Variants in OTOP3 observed in about 807,000 individuals in gnomAD.
OTOP3 encodes the protein otopetrin 3.
In OTOP3, 41 loss-of-function variants were observed where a neutral mutation model predicts 50.8. The observed-to-expected ratio is 0.81, with a 90% CI of 0.63 to 1.05. The LOEUF (loss-of-function observed/expected upper bound fraction) is 1.05, where lower values mean the gene tolerates loss of function less well. OTOP3 is among the 50% of genes least tolerant of loss of function. The probability of loss-of-function intolerance (pLI) is 0.00; values close to 1 mark genes in which losing one functional copy is unlikely to be tolerated. For missense variants in OTOP3, 788 were observed against 760.8 expected, an observed-to-expected ratio of 1.04 and a Z score of -0.42; for synonymous variants, 320 against 324.4, an observed-to-expected ratio of 0.99 and a Z score of 0.14.
In OTOP3 at chr17:74,941,888, C is replaced by A; in HGVS notation, c.437-13C>A. On this transcript the variant is annotated splice_polypyrimidine_tract_variant and intron_variant, in intron 2 of 6. Coordinates refer to ENST00000328801, the MANE Select transcript of OTOP3 (RefSeq NM_001272005.2). ...CCGCGCAGGTGCCAACGCCCGCCCACATGTCCGGCCAGGTTCCCTAGTGCT... is the reference window on the plus strand; with the variant it reads ...CCGCGCAGGTGCCAACGCCCGCCCAAATGTCCGGCCAGGTTCCCTAGTGCT... The A allele has an allele frequency of 6.3e-7, 1 of 1,596,812 alleles. No individual in the cohort carries two copies. Among genetic ancestry groups the A allele is most frequent in the Non-Finnish European group, 8.6e-7 (1 of 1,168,994 alleles).
intron 1 of OTOP3, among the ~76,000 whole-genome samples, chr17:74,940,488 C>T (rs922492863): frequency 1.3e-5 from 2 of 152,132 alleles, no homozygotes; most frequent in African/African-American, 4.8e-5. Flanking sequence ...GGACCAGTAC[C>T]AGTCCATGGC....
chr17:74,948,907 G>A (rs2039254546), intron 6 of OTOP3, among the ~76,000 whole-genome samples: 1 of 152,190 alleles, frequency 6.6e-6, no homozygotes, highest in African/African-American at 2.4e-5. Flanking sequence ...AGGGTACAGG[G>A]TGGGGGTGCC....
chr17:74,943,287 C>A lies in OTOP3; in HGVS notation c.575C>A (p.Thr192Asn). Residue 192 changes from threonine to asparagine, a missense_variant and splice_region_variant, in exon 4 of 7, where the codon ACC (threonine) becomes AAC (asparagine). Coordinates refer to ENST00000328801, the MANE Select transcript of OTOP3 (RefSeq NM_001272005.2). The part of the protein sequence containing the change: ...VIEMVFIGVQ[T>N]WVLWKHCKDC... ...GGCTCAAGGCCCTGTCTCTTTCAGACCTGGGTGCTCTGGAAACACTGCAAA... is the reference window on the plus strand; with the variant it reads ...GGCTCAAGGCCCTGTCTCTTTCAGAACTGGGTGCTCTGGAAACACTGCAAA... 1 of 1,614,236 alleles carries A rather than the reference C, an allele frequency of 6.2e-7. No homozygotes were observed. Among genetic ancestry groups the A allele is most frequent in the South Asian group, 1.1e-5 (1 of 91,086 alleles).
At chr17:74,947,628 C>A (rs1056500335) in intron 6 of OTOP3, among the ~76,000 whole-genome samples, 153 bp downstream of exon 6, 2 of 152,230 alleles carry the variant, frequency 1.3e-5, no homozygotes, top group Non-Finnish European at 2.9e-5. Context: ...GGGTGCCTGG[C>A]ACAAATGAAT....
chr17:74,944,240 T>G (rs1335279124), intron 5 of OTOP3, among the ~76,000 whole-genome samples: 1 of 151,956 alleles, frequency 6.6e-6, no homozygotes, highest in Non-Finnish European at 1.5e-5. Flanking sequence ...CTCTGTGGGA[T>G]TGAGCCACAC....
At chr17:74,935,977 C>T (rs1222096636) in intron 1 of OTOP3, 37 bp downstream of exon 1, 1 of 1,538,352 alleles carries the variant, frequency 6.5e-7, no homozygotes. Context: ...TCCCAGCTTG[C>T]GCACCCCAGA....
chr17:74,946,702 T>TG lies in OTOP3; in HGVS notation c.794dup (p.Cys265TrpfsTer2), dbSNP rs1376820927. On this transcript the variant is annotated frameshift_variant, in exon 6 of 7. Transcript: ENST00000328801. LOFTEE classifies it high-confidence loss of function. ...CTGTCTGTGCCTCAATGCCACCGCG[T>TG]GTGAAGCTTTCCGGAGAGGCTTCCT... The TG allele has an allele frequency of 3.7e-6, 6 of 1,612,740 alleles. No homozygotes were observed. The highest frequency in any genetic ancestry group is 1.7e-5 in the Admixed American group (1 of 60,008).
intron 5 of OTOP3, 87 bp downstream of exon 5, chr17:74,943,811 T>A: frequency 8.7e-7 from 1 of 1,144,108 alleles, no homozygotes; most frequent in Non-Finnish European, 1.3e-6. Context: ...CTACACTCTC[T>A]AAAACAGGTG....
At position 74,946,819 on chromosome 17, in the gene OTOP3, C is replaced by A. The variant is rs1345808622; in HGVS notation, c.910C>A (p.His304Asn). Residue 304 changes from histidine (H) to asparagine (N), a missense_variant, in exon 6 of 7, where the codon CAC (histidine) becomes AAC (asparagine). Transcript: ENST00000328801. ...GAACGTGGGCCGCCACGTGGCACCCCACATGGGTGCCCACCCTGCCACCGC... is the reference window on the plus strand; with the variant it reads ...GAACGTGGGCCGCCACGTGGCACCCAACATGGGTGCCCACCCTGCCACCGC... ...WKNVGRHVAP[H>N]MGAHPATAPF... is the part of the protein sequence containing the mutation. The A allele has an allele frequency of 6.2e-7, 1 of 1,611,368 alleles. No individual in the cohort carries two copies. The highest frequency in any genetic ancestry group is 1.7e-5 in the Admixed American group (1 of 60,032).
chr17:74,937,599 CG>C (rs927540924), intron 1 of OTOP3, among the ~76,000 whole-genome samples: 2 of 152,058 alleles, frequency 1.3e-5, no homozygotes, highest in African/African-American at 4.8e-5. Flanking sequence ...TAAAGATCAT[CG>C]GGAGTCTCCT....
chr17:74,940,342 T>A (rs1030312573), intron 1 of OTOP3, among the ~76,000 whole-genome samples: 4 of 151,464 alleles, frequency 2.6e-5, no homozygotes, highest in African/African-American at 9.7e-5. Flanking sequence ...ACTGTGCTAA[T>A]TTTTTTTTAA....
upstream of OTOP3, chr17:74,935,808 C>A (rs1181466702): frequency 6.6e-7 from 1 of 1,514,372 alleles, no homozygotes; most frequent in Admixed American, 2.1e-5. Flanking sequence ...ATCGATGGGC[C>A]GCGGAGCCCG....
At chr17:74,937,115 A>C (rs969527240) in intron 1 of OTOP3, among the ~76,000 whole-genome samples, 1 of 151,840 alleles carries the variant, frequency 6.6e-6, no homozygotes, top group Non-Finnish European at 1.5e-5. Context: ...GGTGCATGCC[A>C]CTACACCTGG....
chr17:74,935,960 G>T lies in OTOP3; in HGVS notation c.19+20G>T. 6.5e-7 allele frequency: 1 copy of T among 1,540,954 alleles called. No individual in the cohort carries two copies. ...CCTCAGGTAAGCCCGGAGCGCCGGCGGAACTTTCCCAGCTTGCGCACCCCA... is the reference window on the plus strand; with the variant it reads ...CCTCAGGTAAGCCCGGAGCGCCGGCTGAACTTTCCCAGCTTGCGCACCCCA... On this transcript the variant is annotated intron_variant, in intron 1 of 6. Transcript: ENST00000328801.
rs146710630 is a variant in OTOP3 at position 74,947,697 on chromosome 17, A to G, written c.1566+222A>G. 1.6e-3 allele frequency among the ~76,000 whole-genome samples: 243 copies of G among 152,368 alleles called. 2 individuals carry two copies. The highest frequency in any genetic ancestry group is 4.5e-3 in the African/African-American group (186 of 41,598). ...CAAATATGTAAGACATCCACCCTCC[A>G]GAAACTTCCTGTCTAGTTGGGAAGA... On this transcript the variant is annotated intron_variant, in intron 6 of 6. Coordinates refer to ENST00000328801, the MANE Select transcript of OTOP3 (RefSeq NM_001272005.2).
chr17:74,936,953 C>G lies in OTOP3; in HGVS notation c.19+1013C>G, dbSNP rs553012636. 1.4e-4 allele frequency among the ~76,000 whole-genome samples: 13 copies of G among 93,496 alleles called. 1 individual carries two copies. The South Asian group carries it at 2.8e-3, about 20-fold the overall frequency. The allele number at this position is 93,496 out of a possible 152,430, so 61.3% of individuals were successfully genotyped here. Reference sequence around the variant, plus strand: ...AAGCCCCTATTCGGCATTCATCACCCCCCCACCCTTTTTTTTTTTTTTTTT... The same window carrying G: ...AAGCCCCTATTCGGCATTCATCACCGCCCCACCCTTTTTTTTTTTTTTTTT... On this transcript the variant is annotated intron_variant, in intron 1 of 6. Coordinates refer to ENST00000328801, the MANE Select transcript of OTOP3 (RefSeq NM_001272005.2).
intron 1 of OTOP3, among the ~76,000 whole-genome samples, chr17:74,940,604 G>A (rs2039162574): frequency 1.3e-5 from 2 of 152,124 alleles, no homozygotes; most frequent in Admixed American, 1.3e-4. Flanking sequence ...ATTCTCATAG[G>A]AGCACAAGCC....
At chr17:74,936,006 A>AC (rs1164372410) in intron 1 of OTOP3, 66 bp downstream of exon 1, 250 of 1,526,842 alleles carry the variant, frequency 1.6e-4, no homozygotes, top group Non-Finnish European at 1.8e-4. Flanking sequence ...CATACTACCC[A>AC]CCCCCCCAAA....
At chr17:74,941,287 AGAG>A (rs1245606983) in intron 1 of OTOP3, 103 bp from the exon 2 acceptor site, 6 of 1,235,084 alleles carry the variant, frequency 4.9e-6, no homozygotes, top group Non-Finnish European at 6.5e-6. Flanking sequence ...CCACCCAACC[AGAG>A]AGGCCGCATA....
Sources: allele counts gnomAD v4.1 joint callset (sites outside exome capture counted in the v4.1 genomes callset), GRCh38; gene constraint gnomAD v4.1.1; transcripts MANE v1.5; gene names NCBI Gene and HGNC (gene_info 2026-07-23, HGNC 2026-07-21).